The following KYNU variants were observed in gnomAD, a reference collection of about 807,000 sequenced individuals.
The protein encoded by KYNU is L-kynurenine hydrolase.
Under a neutral mutation model 59.2 loss-of-function variants are expected in KYNU, and 54 were observed. The observed-to-expected ratio is 0.91, with a 90% confidence interval of 0.73 to 1.14. KYNU has a LOEUF of 1.14. KYNU is among the 50% of genes most tolerant of loss of function. The pLI, the probability that KYNU is intolerant of heterozygous loss-of-function variation, is 0.00. For missense variants in KYNU, 567 were observed against 554.4 expected, an observed-to-expected ratio of 1.02 and a Z score of -0.23; for synonymous variants, 177 against 192.0, an observed-to-expected ratio of 0.92 and a Z score of 0.65.
intron 1 of KYNU, chr2:142,879,743 C>T (rs1447559221): frequency 1.3e-5 from 2 of 152,068 alleles, no homozygotes; most frequent in African/African-American, 4.8e-5. Flanking sequence ...GTTTTCATCT[C>T]AATATAGAGG....
chr2:142,895,489 C>T (rs1032377752), intron 2 of KYNU, among the ~76,000 whole-genome samples: 34 of 152,290 alleles, frequency 2.2e-4, no homozygotes, highest in African/African-American at 8.2e-4. Context: ...TAGTATTCTA[C>T]CCCAAGAATG....
At chr2:142,915,966 C>G (rs1682655995) in intron 2 of KYNU, among the ~76,000 whole-genome samples, 1 of 151,992 alleles carries the variant, frequency 6.6e-6, no homozygotes. Flanking sequence ...TCGGGAAACA[C>G]ACAGGCATAC....
At chr2:142,940,536 A>G (rs1460406745) in intron 4 of KYNU, among the ~76,000 whole-genome samples, 2 of 152,238 alleles carry the variant, frequency 1.3e-5, no homozygotes, top group Non-Finnish European at 2.9e-5. Flanking sequence ...ACACATAAAG[A>G]TCACTGAAAT....
chr2:143,026,254 G>A (rs564516951), intron 10 of KYNU, among the ~76,000 whole-genome samples: 39 of 152,208 alleles, frequency 2.6e-4, no homozygotes, highest in African/African-American at 9.2e-4. Flanking sequence ...TTTTTATAAT[G>A]GCTGCAGAGT....
intron 4 of KYNU, 80 bp from the exon 5 acceptor site, chr2:142,954,730 A>C (rs1477746221): frequency 1.2e-5 from 11 of 880,584 alleles, no homozygotes; most frequent in Non-Finnish European, 1.6e-5. Flanking sequence ...AGAATGATTG[A>C]GTGAAGTCTT....
intron 2 of KYNU, among the ~76,000 whole-genome samples, chr2:142,894,986 G>A (rs2104931700): frequency 6.6e-6 from 1 of 152,214 alleles, no homozygotes; most frequent in South Asian, 2.1e-4. Flanking sequence ...AGTGATGCTG[G>A]ACCATGATGT....
Position 143,048,035 on chromosome 2 carries a change from G to C in KYNU, c.*5863G>C, listed in dbSNP as rs1442141772. 1 of 152,076 alleles carries C rather than the reference G, an allele frequency of 6.6e-6. No individual in the cohort carries two copies. The highest frequency in any genetic ancestry group is 1.5e-5 in the Non-Finnish European group (1 of 68,040). 9.4% of individuals were successfully genotyped at this position (152,076 alleles called of 1,614,324 possible). On this transcript the variant is annotated 3_prime_UTR_variant, in exon 14 of 14. Transcript: ENST00000264170. Reference sequence around the variant, plus strand: ...AATTTTTGTATTTTTCATAGAGACAGGATTTCACCATGTTGGCTAGGCTGG... The same window carrying C: ...AATTTTTGTATTTTTCATAGAGACACGATTTCACCATGTTGGCTAGGCTGG...
At chr2:142,957,754 T>C (rs774694733) in intron 7 of KYNU, 39 bp downstream of exon 7, 2 of 1,285,034 alleles carry the variant, frequency 1.6e-6, no homozygotes, top group Non-Finnish European at 2.3e-6. Flanking sequence ...ATGCTTTGTT[T>C]AGTATTGATT....
At chr2:143,003,451 C>G (rs189716332) in intron 10 of KYNU, among the ~76,000 whole-genome samples, 2 of 151,952 alleles carry the variant, frequency 1.3e-5, no homozygotes, top group East Asian at 3.9e-4. Flanking sequence ...GGTGTGGTGG[C>G]GGGCACCTAT....
At chr2:142,878,968 G>T (rs185745829) in intron 1 of KYNU, among the ~76,000 whole-genome samples, 1 of 152,188 alleles carries the variant, frequency 6.6e-6, no homozygotes, top group African/African-American at 2.4e-5. Context: ...CATATGGTAT[G>T]TATGTCCCCC....
At chr2:142,988,120 T>C (rs1422893792) in intron 10 of KYNU, among the ~76,000 whole-genome samples, 1 of 151,756 alleles carries the variant, frequency 6.6e-6, no homozygotes, top group South Asian at 2.1e-4. Context: ...TACAGCATTA[T>C]ATGTGATCAA....
At chr2:143,018,302 C>T (rs1333137820) in intron 10 of KYNU, among the ~76,000 whole-genome samples, 15 of 152,068 alleles carry the variant, frequency 9.9e-5, no homozygotes, top group African/African-American at 4.8e-5. Flanking sequence ...TAATCCATCT[C>T]GAGTTAATTT....
At chr2:142,905,233 G>C (rs1157258465) in intron 2 of KYNU, among the ~76,000 whole-genome samples, 3 of 152,124 alleles carry the variant, frequency 2.0e-5, no homozygotes, top group Non-Finnish European at 4.4e-5. Context: ...TTTATCTTAT[G>C]TGCCTTTTTC....
At chr2:143,004,357 C>T (rs1367267870) in intron 10 of KYNU, among the ~76,000 whole-genome samples, 3 of 152,198 alleles carry the variant, frequency 2.0e-5, no homozygotes, top group African/African-American at 7.2e-5. Context: ...CCAGTAAAAT[C>T]TTCCTTGTCA....
At chr2:142,986,157 C>A in intron 10 of KYNU, 136 bp downstream of exon 10, 1 of 676,444 alleles carries the variant, frequency 1.5e-6, no homozygotes, top group Non-Finnish European at 2.7e-6. Context: ...TCCTACTCTG[C>A]TAACAACAAT....
rs988248897 is a variant in KYNU at position 143,053,369 on chromosome 2, G to T, written c.*11197G>T. 2.0e-5 allele frequency: 3 copies of T among 151,886 alleles called. No homozygotes were observed. Among genetic ancestry groups the T allele is most frequent in the Non-Finnish European group, 4.4e-5 (3 of 67,834 alleles). 9.4% of individuals were successfully genotyped at this position (151,886 alleles called of 1,614,324 possible). On this transcript the variant is annotated 3_prime_UTR_variant, in exon 14 of 14. Coordinates refer to ENST00000264170, the MANE Select transcript of KYNU (RefSeq NM_003937.3). ...TTTGTCTCTGATGAGACTTTGGACT[G>T]CGGACTTTTGAGTTAATGCTGAAAT...
intron 8 of KYNU, among the ~76,000 whole-genome samples, chr2:142,976,646 A>G (rs1293084869): frequency 6.6e-6 from 1 of 152,152 alleles, no homozygotes; most frequent in Non-Finnish European, 1.5e-5. Flanking sequence ...ATTTATCAGA[A>G]GGTTGTGAAC....
intron 8 of KYNU, among the ~76,000 whole-genome samples, chr2:142,964,023 G>A (rs1684441317): frequency 1.3e-5 from 2 of 151,830 alleles, no homozygotes; most frequent in South Asian, 4.2e-4. Flanking sequence ...GATTTTAGAT[G>A]CTCATCTTTT....
At chr2:142,960,438 A>G (rs917304872) in intron 7 of KYNU, among the ~76,000 whole-genome samples, 186 bp from the exon 8 acceptor site, 2 of 152,200 alleles carry the variant, frequency 1.3e-5, no homozygotes, top group Non-Finnish European at 2.9e-5. Flanking sequence ...CTTTTTAATT[A>G]TCATTTCTTA....
Sources: gnomAD v4.1 joint callset for allele counts (sites outside exome capture counted in the v4.1 genomes callset) on GRCh38, gnomAD v4.1.1 for gene constraint, MANE v1.5 for transcripts, NCBI Gene and HGNC (gene_info 2026-07-23, HGNC 2026-07-21) for gene names.